The following RBPJ variants were observed in gnomAD, a reference collection of about 807,000 sequenced individuals.
RBPJ encodes recombining binding protein suppressor of hairless.
RBPJ carries 9 observed loss-of-function variants against 67.8 expected under a neutral mutation model. The observed-to-expected ratio is 0.13, with a 90% CI of 0.08 to 0.23. RBPJ has a LOEUF of 0.23. Among genes scored for constraint, RBPJ ranks in the 10% least tolerant of loss-of-function variants. RBPJ has a pLI of 1.00. For synonymous variants in RBPJ, 198 were observed against 203.3 expected (o/e 0.97, Z 0.22); for missense variants, 305 against 595.6 (o/e 0.51, Z 5.08).
chr4:26,335,428 C>T (rs1724711027), intron 1 of RBPJ, among the ~76,000 whole-genome samples: 1 of 151,978 alleles, frequency 6.6e-6, no homozygotes, highest in African/African-American at 2.4e-5. Context: ...GATCCACCCG[C>T]CTTGGCCTCC....
At chr4:26,320,019 G>A, upstream of RBPJ, 1 of 754,310 alleles carries the variant, frequency 1.3e-6, no homozygotes, top group Non-Finnish European at 2.2e-6. Context: ...GTCCTCGGCT[G>A]TGCCAGGCCC....
chr4:26,138,808 T>A, the RBPJ span, among the ~76,000 whole-genome samples: 1 of 152,228 alleles, frequency 6.6e-6, no homozygotes, highest in African/African-American at 2.4e-5. Context: ...GAATGAGGCC[T>A]GAGGGCCAAT....
chr4:26,277,498 T>C (rs1721123043), intron 1 of RBPJ, among the ~76,000 whole-genome samples: 1 of 152,216 alleles, frequency 6.6e-6, no homozygotes, highest in African/African-American at 2.4e-5. Context: ...AGGGCTGGGT[T>C]CTTCAATGCA....
rs1718595615 is a variant in RBPJ, at chr4:26,214,782, AGAAAAAGAG to A, written c.-167+51169_-167+51177del. Among the ~76,000 whole-genome samples, 3 of 130,212 alleles carry A rather than the reference AGAAAAAGAG, an allele frequency of 2.3e-5. No homozygotes were observed. In the South Asian group the frequency reaches 8.3e-4, roughly 36 times the overall value. 85.4% of individuals were successfully genotyped at this position (130,212 alleles called of 152,430 possible). On this transcript the variant is annotated intron_variant, in intron 1 of 4. Transcript: ENST00000512351. ...AGAGAGAAAAAAGAGAAAGAAAGAA[AGAAAAAGAG>A]AAGGAAGGAAGGGAAAAGAGAGAGA...
At chr4:26,313,174 T>C (rs930324871) in intron 1 of RBPJ, among the ~76,000 whole-genome samples, 2 of 152,122 alleles carry the variant, frequency 1.3e-5, no homozygotes, top group African/African-American at 4.8e-5. Flanking sequence ...CTGCCTGTCT[T>C]AGCCTCCCAA....
chr4:26,299,598 A>C (rs903618787), intron 1 of RBPJ, among the ~76,000 whole-genome samples: 2 of 151,952 alleles, frequency 1.3e-5, no homozygotes, highest in African/African-American at 4.8e-5. Flanking sequence ...TTAAGTTTAT[A>C]ATACACAAAT....
At chr4:26,242,271 C>T (rs1160220549) in intron 1 of RBPJ, among the ~76,000 whole-genome samples, 1 of 151,826 alleles carries the variant, frequency 6.6e-6, no homozygotes, top group Non-Finnish European at 1.5e-5. Context: ...CATGGTGAAA[C>T]CCCATCTCTA....
the RBPJ span, among the ~76,000 whole-genome samples, chr4:26,142,048 C>T: frequency 6.6e-6 from 1 of 152,020 alleles, no homozygotes; most frequent in East Asian, 1.9e-4. Context: ...TCACGATGTT[C>T]CTTGCCGTGG....
the RBPJ span, among the ~76,000 whole-genome samples, chr4:26,120,384 T>G: frequency 6.6e-6 from 1 of 152,204 alleles, no homozygotes; most frequent in African/African-American, 2.4e-5. Flanking sequence ...AAGCAAGTCT[T>G]TGTTCTGAAC....
At chr4:26,194,136 C>T (rs1717669130) in intron 1 of RBPJ, among the ~76,000 whole-genome samples, 1 of 152,210 alleles carries the variant, frequency 6.6e-6, no homozygotes, top group Non-Finnish European at 1.5e-5. Context: ...ACATTCATCC[C>T]GTTTACTTCT....
rs771996392 is a variant in RBPJ at position 26,430,023 on chromosome 4, C to T, written c.1014C>T (p.Val338=). 1.2e-6 allele frequency: 2 copies of T among 1,614,114 alleles called. No individual in the cohort carries two copies. Among genetic ancestry groups the T allele is most frequent in the East Asian group, 4.5e-5 (2 of 44,882 alleles). The change falls in exon 9 of 11, where the codon GTC becomes GTT. Residue 338 remains valine, a synonymous_variant. Coordinates refer to ENST00000355476, the MANE Select transcript of RBPJ (RefSeq NM_015874.6). This position sits in a 1 kb window ranked among gnomAD's most constrained non-coding sequence, Gnocchi z 4.1. Reference sequence around the variant, plus strand: ...GAATGGGCCCTGTCCTTGCCCCAGTCACTCCTGTGCCTGTGGTAGAGAGCC... The same window carrying T: ...GAATGGGCCCTGTCCTTGCCCCAGTTACTCCTGTGCCTGTGGTAGAGAGCC... The part of the protein sequence containing the change: ...YEGMGPVLAP[V]TPVPVVESLQ...
chr4:26,296,463 T>C (rs1577400294), intron 1 of RBPJ, among the ~76,000 whole-genome samples: 1 of 152,188 alleles, frequency 6.6e-6, no homozygotes, highest in Non-Finnish European at 1.5e-5. Context: ...TCAATGTCAA[T>C]CAAATGGTTT....
chr4:26,230,554 G>A (rs546650248), intron 1 of RBPJ, among the ~76,000 whole-genome samples: 1 of 152,328 alleles, frequency 6.6e-6, no homozygotes, highest in Non-Finnish European at 1.5e-5. Flanking sequence ...GTGAATAAGT[G>A]GCAGAGCCAG....
chr4:26,130,511 T>C, the RBPJ span, among the ~76,000 whole-genome samples: 9 of 152,192 alleles, frequency 5.9e-5, no homozygotes, highest in Non-Finnish European at 1.3e-4. Flanking sequence ...GTCTCAGTCC[T>C]TATTTTTTCA....
At chr4:26,255,606 T>C (rs1447665391) in intron 1 of RBPJ, among the ~76,000 whole-genome samples, 49 of 149,012 alleles carry the variant, frequency 3.3e-4, no homozygotes, top group African/African-American at 4.9e-4. Context: ...ATCGAGACCA[T>C]CCTGGCTAAC....
chr4:26,400,735 T>A (rs148710771), intron 2 of RBPJ, among the ~76,000 whole-genome samples: 144 of 152,332 alleles, frequency 9.5e-4, no homozygotes, highest in Non-Finnish European at 1.7e-3. Context: ...TAGTTACTTT[T>A]TCAGGAATTT....
chr4:26,320,870 G>A, upstream of RBPJ: 1 of 1,577,134 alleles, frequency 6.3e-7, no homozygotes, highest in Non-Finnish European at 8.6e-7. Flanking sequence ...GGCGGCGCGA[G>A]GCGTCTGGCT....
intron 1 of RBPJ, among the ~76,000 whole-genome samples, chr4:26,231,096 G>A (rs898547840): frequency 1.3e-5 from 2 of 152,064 alleles, no homozygotes; most frequent in African/African-American, 2.4e-5. Flanking sequence ...CCATTTCTGC[G>A]ATCTGACCTA....
the RBPJ span, among the ~76,000 whole-genome samples, chr4:26,126,327 C>T: frequency 6.6e-6 from 1 of 152,182 alleles, no homozygotes; most frequent in African/African-American, 2.4e-5. Context: ...GCCCCCAACC[C>T]CAACTTCCTC....
Sources: gnomAD v4.1 joint callset for allele counts (sites outside exome capture counted in the v4.1 genomes callset) on GRCh38, gnomAD v4.1.1 for gene constraint, Gnocchi (gnomAD v3.1) non-coding constraint, MANE v1.5 for transcripts, NCBI Gene and HGNC (gene_info 2026-07-23, HGNC 2026-07-21) for gene names.